DMD: variants seen among roughly 807,000 people sequenced by gnomAD.
DMD encodes the protein mutant dystrophin.
In DMD, 63 loss-of-function variants were observed where a neutral mutation model predicts 330.1. The ratio of observed to expected loss-of-function variants is 0.19; its 90% CI spans 0.16 to 0.24. The LOEUF is 0.24. Among genes scored for constraint, DMD ranks in the 10% least tolerant of loss-of-function variants. The probability of loss-of-function intolerance (pLI) is 1.00; values close to 1 mark genes in which losing one functional copy is unlikely to be tolerated. For missense variants in DMD, 3,344 were observed against 2,684.1 expected (o/e 1.25, Z -5.43); for synonymous variants, 1,223 against 959.8 (o/e 1.27, Z -5.07).
chrX:32,181,468 A>T (rs936607842), intron 44 of DMD, among the ~76,000 whole-genome samples: 2 of 111,944 alleles, frequency 1.8e-5, no homozygotes, highest in East Asian at 5.6e-4. Flanking sequence ...GTAGGTATTT[A>T]ATTAACCAAA....
In DMD at chrX:32,644,974, T is replaced by C. The variant is rs1556876185; in HGVS notation, c.1139A>G (p.His380Arg). ...NDVEVVKDQF[H>R]THEGYMMDLT... ...AACGTTTTAGTTTACCTCATGAGTA[T>C]GAAACTGGTCTTTCACCACTTCCAC... Residue 380 changes from histidine to arginine, a missense_variant, in exon 10 of 79, where the codon CAT (histidine) becomes CGT (arginine). Physicochemically the swap from His to Arg is conservative, Grantham distance 29. Transcript: ENST00000357033. 1 of 1,211,720 alleles carries C rather than the reference T, an allele frequency of 8.3e-7. No homozygotes were observed.
In DMD at chrX:32,267,210, A is replaced by T. The variant is rs6631533; in HGVS notation, c.6290+20319T>A. The stretch of plus-strand genomic sequence containing the variant: ...TTATCTCATTTTTCTGTGTTCTTCA[A>T]CCTTAAACTACATCCAGCCTTGTTC... On this transcript the variant is annotated intron_variant, in intron 43 of 78. Transcript: ENST00000357033. Among the ~76,000 whole-genome samples the T allele has an allele frequency of 0.036, 3,976 of 111,995 alleles. 306 individuals are homozygous for T. In the East Asian group the frequency reaches 0.44, roughly 12 times the overall value.
intron 27 of DMD, among the ~76,000 whole-genome samples, chrX:32,448,045 T>C (rs942683285): frequency 1.8e-5 from 2 of 110,843 alleles, no homozygotes; most frequent in Admixed American, 9.6e-5. Context: ...ACAGAATGCT[T>C]TTCCCCAAAG....
chrX:32,680,615 A>G (rs755033507), intron 9 of DMD, among the ~76,000 whole-genome samples: 1 of 112,563 alleles, frequency 8.9e-6, no homozygotes, highest in African/African-American at 3.2e-5. Flanking sequence ...TGAATGCCCA[A>G]TATTTGTTAA....
At chrX:32,235,605 C>G (rs970698489) in intron 43 of DMD, among the ~76,000 whole-genome samples, 3 of 111,175 alleles carry the variant, frequency 2.7e-5, no homozygotes, top group Non-Finnish European at 5.7e-5. Flanking sequence ...TGAAGTCTAC[C>G]CATTACAATT....
intron 47 of DMD, among the ~76,000 whole-genome samples, chrX:31,916,653 T>A (rs1236097870): frequency 8.9e-6 from 1 of 111,749 alleles, no homozygotes; most frequent in African/African-American, 3.3e-5. Context: ...GGGAAAGAAA[T>A]ACCCTGAAAT....
At chrX:32,534,663 T>C (rs1215521667) in intron 17 of DMD, among the ~76,000 whole-genome samples, 2 of 111,446 alleles carry the variant, frequency 1.8e-5, no homozygotes, top group Non-Finnish European at 3.8e-5. Context: ...TCTTGCTGTG[T>C]CCTCCCAAGG....
chrX:32,849,557 G>A (rs184631856), intron 3 of DMD, among the ~76,000 whole-genome samples, 171 bp downstream of exon 3: 9 of 111,044 alleles, frequency 8.1e-5, no homozygotes, highest in Admixed American at 2.9e-4. Context: ...TTCTGCAGGC[G>A]GTAGAGTATG....
chrX:32,597,801 A>G (rs1346089487), intron 12 of DMD, among the ~76,000 whole-genome samples: 2 of 112,232 alleles, frequency 1.8e-5, no homozygotes, highest in African/African-American at 6.5e-5. Flanking sequence ...TCCAGATCCC[A>G]TAAGACCTTA....
At chrX:31,888,120 G>T (rs1348659960) in intron 47 of DMD, among the ~76,000 whole-genome samples, 2 of 111,427 alleles carry the variant, frequency 1.8e-5, no homozygotes, top group African/African-American at 6.5e-5. Context: ...CAGAGTAGAA[G>T]AGGGTAGACC....
In DMD at chrX:31,119,441, T is replaced by C. The variant is rs1056650271; in HGVS notation, c.*2478A>G. ...AGTACCTGAAAACAATGACAAAACATGCCATGTGATGTTTATGCTTCAGTT... is the reference window on the plus strand; with the variant it reads ...AGTACCTGAAAACAATGACAAAACACGCCATGTGATGTTTATGCTTCAGTT... On this transcript the variant is annotated 3_prime_UTR_variant, in exon 79 of 79. Transcript: ENST00000357033. The C allele has an allele frequency of 8.9e-6, 1 of 112,428 alleles. No individual in the cohort carries two copies. The highest frequency in any genetic ancestry group is 3.2e-5 in the African/African-American group (1 of 30,940). The allele number at this position is 112,428 out of a possible 1,213,427, so 9.3% of individuals were successfully genotyped here.
At chrX:33,209,637 A>G (rs2051777544) in intron 1 of DMD, among the ~76,000 whole-genome samples, 4 of 111,582 alleles carry the variant, frequency 3.6e-5, no homozygotes, top group African/African-American at 1.3e-4. Flanking sequence ...AGCAAAATTT[A>G]ATGTATAATA....
At chrX:32,702,143 C>A (rs530629671) in intron 7 of DMD, among the ~76,000 whole-genome samples, 4 of 112,045 alleles carry the variant, frequency 3.6e-5, no homozygotes, top group African/African-American at 1.3e-4. Flanking sequence ...ATAGAAAATT[C>A]ATGAATTCTG....
intron 43 of DMD, among the ~76,000 whole-genome samples, chrX:32,241,235 G>A (rs184872767): frequency 8.9e-6 from 1 of 112,161 alleles, no homozygotes; most frequent in South Asian, 3.7e-4. Context: ...CTAGCATTTA[G>A]TAGTTGCATG....
Position 31,593,404 on chromosome X carries a change from C to T in DMD, c.8217+34269G>A, listed in dbSNP as rs903609863. Among the ~76,000 whole-genome samples the T allele has an allele frequency of 2.7e-5, 3 of 111,133 alleles. No individual in the cohort carries two copies. The Admixed American group carries it at 2.9e-4, about 11-fold the overall frequency. Reference sequence around the variant, plus strand: ...TTTGTAAGAATTATGATGCCCAAGTCCCACAGAACACCAATAAAATAAAAC... The same window carrying T: ...TTTGTAAGAATTATGATGCCCAAGTTCCACAGAACACCAATAAAATAAAAC... On this transcript the variant is annotated intron_variant, in intron 55 of 78. Coordinates refer to ENST00000357033, the MANE Select transcript of DMD (RefSeq NM_004006.3).
At chrX:32,520,707 C>G (rs1429977826) in intron 17 of DMD, among the ~76,000 whole-genome samples, 1 of 111,781 alleles carries the variant, frequency 8.9e-6, no homozygotes, top group Non-Finnish European at 1.9e-5. Context: ...TCTTATTTCA[C>G]TTCCCTACTT....
intron 7 of DMD, among the ~76,000 whole-genome samples, chrX:32,786,202 C>T (rs1444987008): frequency 9.1e-6 from 1 of 109,579 alleles, no homozygotes; most frequent in Non-Finnish European, 1.9e-5. Context: ...TACAGAAAAA[C>T]TTAGATATTA....
chrX:32,024,546 T>C (rs1367145283), intron 44 of DMD, among the ~76,000 whole-genome samples: 1 of 110,044 alleles, frequency 9.1e-6, no homozygotes, highest in Non-Finnish European at 1.9e-5. Context: ...TTTACTATTT[T>C]AGAAGAGAAA....
chrX:31,438,230 C>G (rs1175405158), intron 60 of DMD, among the ~76,000 whole-genome samples: 1 of 111,517 alleles, frequency 9.0e-6, no homozygotes. Flanking sequence ...TCCCCAGAGT[C>G]TAAACCCTTC....
Sources: allele counts gnomAD v4.1 joint callset (sites outside exome capture counted in the v4.1 genomes callset), GRCh38; gene constraint gnomAD v4.1.1; transcripts MANE v1.5; gene names NCBI Gene and HGNC (gene_info 2026-07-23, HGNC 2026-07-21).